Variants in ARRDC3 observed in about 807,000 individuals in gnomAD.
ARRDC3 encodes arrestin domain-containing protein 3.
A neutral mutation model predicts 47.2 loss-of-function variants in ARRDC3; 10 were observed. That is an observed-to-expected ratio of 0.21 (90% CI 0.13 to 0.36). ARRDC3 has a LOEUF of 0.36. Ranked by LOEUF, ARRDC3 falls within the 10% of genes least tolerant of loss-of-function variation. The pLI, the probability that ARRDC3 is intolerant of heterozygous loss-of-function variation, is 1.00. For synonymous variants in ARRDC3, 156 were observed against 178.3 expected (o/e 0.87, Z 1.00); for missense variants, 381 against 503.6 (o/e 0.76, Z 2.33).
intron 2 of ARRDC3, among the ~76,000 whole-genome samples, chr5:91,378,020 T>TA (rs1000330807): frequency 6.6e-6 from 1 of 151,858 alleles, no homozygotes; most frequent in African/African-American, 2.4e-5. Context: ...CATTTTTTTT[T>TA]AAAAAGTTTG....
chr5:91,371,332 T>C lies in ARRDC3; in HGVS notation c.*68A>G, dbSNP rs766805668. The C allele has an allele frequency of 1.4e-6, 2 of 1,394,202 alleles. No homozygotes were observed. The highest frequency in any genetic ancestry group is 2.0e-6 in the Non-Finnish European group (2 of 994,916). The allele number at this position is 1,394,202 out of a possible 1,614,324, so 86.4% of individuals were successfully genotyped here. A position where few individuals can be genotyped will look rare whatever the true frequency, so the allele number is the denominator to read the frequency against. On this transcript the variant is annotated 3_prime_UTR_variant, in exon 8 of 8. Coordinates refer to ENST00000265138, the MANE Select transcript of ARRDC3 (RefSeq NM_020801.4). ...CCTCTGAAACGTGTCTCCAAGATAC[T>C]TCTCTGTCCTCAGCCGGAAGAGATA...
At position 91,371,171 on chromosome 5, in the gene ARRDC3, T is replaced by C. The variant is rs1439118172; in HGVS notation, c.*229A>G. The C allele has an allele frequency of 9.3e-6, 5 of 535,950 alleles. No homozygotes were observed. The highest frequency in any genetic ancestry group is 1.7e-5 in the Non-Finnish European group (5 of 301,462). 33.2% of individuals were successfully genotyped at this position (535,950 alleles called of 1,614,324 possible). ...GGCTAAGAAGACTGCTCTGAGTATG[T>C]GCCAGTTTTAAAAGAGAAAAGCTTA... On this transcript the variant is annotated 3_prime_UTR_variant, in exon 8 of 8. Coordinates refer to ENST00000265138, the MANE Select transcript of ARRDC3 (RefSeq NM_020801.4).
intron 1 of ARRDC3, among the ~76,000 whole-genome samples, chr5:91,382,103 C>A (rs1164104964): frequency 6.6e-6 from 1 of 152,116 alleles, no homozygotes; most frequent in Non-Finnish European, 1.5e-5. Context: ...ATTGAATGCA[C>A]GTTCCAAAGT....
rs545873985 is a variant in ARRDC3 at position 91,382,820 on chromosome 5, G to T, written c.273C>A (p.His91Gln). 3 of 1,610,310 alleles carry T rather than the reference G, an allele frequency of 1.9e-6. No individual in the cohort carries two copies. Among genetic ancestry groups the T allele is most frequent in the East Asian group, 2.2e-5 (1 of 44,834 alleles). Reference sequence around the variant, plus strand: ...TGAATAACAAAAACTTACCTCTTTCGTGCCCAATTAAGATGTCTTTATGGT... The same window carrying T: ...TGAATAACAAAAACTTACCTCTTTCTTGCCCAATTAAGATGTCTTTATGGT... Reference protein sequence around the residue: ...YFNHKDILIGHERDDDNSEEG... With the variant: ...YFNHKDILIGQERDDDNSEEG... Residue 91 changes from histidine to glutamine, a missense_variant, in exon 1 of 8, where the codon CAC becomes CAA. By Grantham distance (24) the His-to-Gln change is conservative. Transcript: ENST00000265138.
chr5:91,380,624 A>C (rs942015867), intron 1 of ARRDC3: 1 of 152,238 alleles, frequency 6.6e-6, no homozygotes, highest in Non-Finnish European at 1.5e-5. Flanking sequence ...TCGGGGAACA[A>C]GCTTTGTTTC....
chr5:91,382,978 T>C lies in ARRDC3; in HGVS notation c.115A>G (p.Thr39Ala), dbSNP rs1432224541. Reference protein sequence around the residue: ...TVSGRVNLEVTGEIRVKSLKI... With the variant: ...TVSGRVNLEVAGEIRVKSLKI... ...AGAGATTTTACTCTGATTTCCCCAGTAACTTCTAAATTTACCCTTCCTGAG... is the reference window on the plus strand; with the variant it reads ...AGAGATTTTACTCTGATTTCCCCAGCAACTTCTAAATTTACCCTTCCTGAG... Residue 39 changes from threonine (T) to alanine (A), a missense_variant, in exon 1 of 8, where the codon ACT becomes GCT. Transcript: ENST00000265138. 4 of 1,614,160 alleles carry C rather than the reference T, an allele frequency of 2.5e-6. No individual in the cohort carries two copies. Among genetic ancestry groups the C allele is most frequent in the Non-Finnish European group, 2.5e-6 (3 of 1,180,032 alleles).
chr5:91,375,408 A>G (rs1465088407), intron 4 of ARRDC3, 103 bp downstream of exon 4: 2 of 908,742 alleles, frequency 2.2e-6, no homozygotes, highest in African/African-American at 3.4e-5. Context: ...GTTATTTCAC[A>G]AAAGAATACT....
Position 91,369,287 on chromosome 5 carries a change from C to T in ARRDC3, c.*2113G>A, listed in dbSNP as rs1383964274. ...GAGAAAAGGGATTTTCTGACAATCC[C>T]CCTCAAACAAAAATAAAACCACCAA... On this transcript the variant is annotated 3_prime_UTR_variant, in exon 8 of 8. Transcript: ENST00000265138. 1.3e-5 allele frequency: 2 copies of T among 152,336 alleles called. No homozygotes were observed. The highest frequency in any genetic ancestry group is 6.6e-5 in the Admixed American group (1 of 15,230). The allele number at this position is 152,336 out of a possible 1,614,324, so 9.4% of individuals were successfully genotyped here. A position where few individuals can be genotyped will look rare whatever the true frequency, so the allele number is the denominator to read the frequency against.
chr5:91,371,985 G>GTAA (rs942262008), intron 7 of ARRDC3, among the ~76,000 whole-genome samples: 1 of 152,022 alleles, frequency 6.6e-6, no homozygotes, highest in African/African-American at 2.4e-5. Flanking sequence ...CTTATGTGAG[G>GTAA]TAATAACTCA....
Position 91,371,043 on chromosome 5 carries a change from C to T in ARRDC3, c.*357G>A, listed in dbSNP as rs1408781299. 4 of 182,910 alleles carry T rather than the reference C, an allele frequency of 2.2e-5. No homozygotes were observed. The highest frequency in any genetic ancestry group is 6.3e-5 in the Admixed American group (1 of 15,800). 11.3% of individuals were successfully genotyped at this position (182,910 alleles called of 1,614,324 possible). On this transcript the variant is annotated 3_prime_UTR_variant, in exon 8 of 8. Coordinates refer to ENST00000265138, the MANE Select transcript of ARRDC3 (RefSeq NM_020801.4). ...AAAAAAAAAAAAGAAGCTGTAGTGA[C>T]GTCGAACCGCACAATGTAAGCATTG...
Position 91,375,006 on chromosome 5 carries a change from C to A in ARRDC3, c.786G>T (p.Thr262=). The stretch of plus-strand genomic sequence containing the variant: ...GAATTTTCAGCAACTTGCCATTCCA[C>A]GTCTCTGTCTTTCCAGATGATAAGG... ...GESLSSGKTE[T]WNGKLLKIPP... The change falls in exon 5 of 8, where the codon ACG becomes ACT. Residue 262 remains threonine (T), a synonymous_variant. Transcript: ENST00000265138. The A allele has an allele frequency of 1.2e-6, 2 of 1,614,150 alleles. No individual in the cohort carries two copies.
intron 1 of ARRDC3, chr5:91,380,678 C>G (rs2127077161): frequency 1.3e-5 from 2 of 152,374 alleles, no homozygotes; most frequent in African/African-American, 4.8e-5. Flanking sequence ...CCTGACACCT[C>G]CCACTCGGAA....
At chr5:91,381,651 T>G (rs2127078319) in intron 1 of ARRDC3, among the ~76,000 whole-genome samples, 1 of 152,350 alleles carries the variant, frequency 6.6e-6, no homozygotes, top group South Asian at 2.1e-4. Context: ...GATGTACGTT[T>G]TTAATATAAA....
chr5:91,383,146 A>T lies in ARRDC3; in HGVS notation c.-54T>A. ...TGTAAGACAAAAAAGTCAAGATCGCATATAAAATGTGATCTTCACTTAACA... is the reference window on the plus strand; with the variant it reads ...TGTAAGACAAAAAAGTCAAGATCGCTTATAAAATGTGATCTTCACTTAACA... On this transcript the variant is annotated 5_prime_UTR_variant, in exon 1 of 8. The change abolishes an upstream ATG in the 5' untranslated region. Coordinates refer to ENST00000265138, the MANE Select transcript of ARRDC3 (RefSeq NM_020801.4). 6.7e-7 allele frequency: 1 copy of T among 1,485,496 alleles called. No homozygotes were observed. Among genetic ancestry groups the T allele is most frequent in the South Asian group, 1.3e-5 (1 of 75,398 alleles). 92.0% of individuals were successfully genotyped at this position (1,485,496 alleles called of 1,614,324 possible).
At chr5:91,376,418 A>G (rs1376776236) in intron 3 of ARRDC3, 31 of 486,210 alleles carry the variant, frequency 6.4e-5, no homozygotes, top group Non-Finnish European at 1.1e-4. Flanking sequence ...ATTTACTTAA[A>G]GGTATACTAC....
At chr5:91,382,677 C>A (rs1015551242) in intron 1 of ARRDC3, 136 bp downstream of exon 1, 11 of 967,276 alleles carry the variant, frequency 1.1e-5, no homozygotes, top group Non-Finnish European at 1.4e-5. Context: ...CAAGGAGAAT[C>A]CAAACCTTCC....
rs955320381 is a variant in ARRDC3 at position 91,374,300 on chromosome 5, A to T, written c.871-24T>A. 5.7e-6 allele frequency: 9 copies of T among 1,586,344 alleles called. No homozygotes were observed. In the Admixed American group the frequency reaches 1.2e-4, roughly 22 times the overall value. On this transcript the variant is annotated intron_variant, in intron 5 of 7. Coordinates refer to ENST00000265138, the MANE Select transcript of ARRDC3 (RefSeq NM_020801.4). ...ACCTAAACATTGCAAAGAAATATTA[A>T]GTTTAGAATGCCAAGTATGATTTCC...
rs764192597 is a variant in ARRDC3 at position 91,375,082 on chromosome 5, T to A, written c.710A>T (p.Lys237Ile). ...CTGTTTTACTTCCTTCATTTTCCCT[T>A]TGGCATAGAAGGCCTGTGTTTGGTA... Reference protein sequence around the residue: ...AIYQTQAFYAKGKMKEVKQLV... With the variant: ...AIYQTQAFYAIGKMKEVKQLV... The change falls in exon 5 of 8, where the codon AAA (lysine) becomes ATA (isoleucine). Residue 237 changes from lysine to isoleucine, a missense_variant. Lys to Ile is a moderately radical substitution (Grantham distance 102). Coordinates refer to ENST00000265138, the MANE Select transcript of ARRDC3 (RefSeq NM_020801.4). 1.2e-6 allele frequency: 2 copies of A among 1,614,204 alleles called. No homozygotes were observed. The highest frequency in any genetic ancestry group is 1.1e-5 in the South Asian group (1 of 91,084).
At chr5:91,381,973 A>G (rs1582379224) in intron 1 of ARRDC3, among the ~76,000 whole-genome samples, 1 of 152,206 alleles carries the variant, frequency 6.6e-6, no homozygotes, top group South Asian at 2.1e-4. Flanking sequence ...CATTTAAACA[A>G]TAGATTGGAA....
Sources: gnomAD v4.1 joint callset for allele counts (sites outside exome capture counted in the v4.1 genomes callset) on GRCh38, gnomAD v4.1.1 for gene constraint, MANE v1.5 for transcripts, NCBI Gene and HGNC (gene_info 2026-07-23, HGNC 2026-07-21) for gene names.